Variants in SNTG1 observed in about 807,000 individuals in gnomAD.
The protein encoded by SNTG1 is syntrophin gamma 1.
SNTG1 carries 39 observed loss-of-function variants against 74.7 expected under a neutral mutation model. That is an observed-to-expected ratio of 0.52 (90% CI 0.40 to 0.68). The LOEUF (loss-of-function observed/expected upper bound fraction) is 0.68. Among genes scored for constraint, SNTG1 ranks in the 30% least tolerant of loss-of-function variants. SNTG1 has a pLI of 0.00. For synonymous variants in SNTG1, 254 were observed against 217.1 expected (o/e 1.17, Z -1.49); for missense variants, 685 against 609.5 (o/e 1.12, Z -1.30).
chr8:50,767,046 G>C (rs1041297107), intron 18 of SNTG1, among the ~76,000 whole-genome samples: 1 of 151,962 alleles, frequency 6.6e-6, no homozygotes, highest in South Asian at 2.1e-4. Flanking sequence ...CTGTTACAAC[G>C]TTTCTTTCCT....
intron 2 of SNTG1, among the ~76,000 whole-genome samples, chr8:50,236,605 T>C (rs1166235383): frequency 1.3e-5 from 2 of 151,848 alleles, no homozygotes; most frequent in African/African-American, 2.4e-5. Context: ...CGCCCGCCAC[T>C]GCGCCCGGCT....
intron 13 of SNTG1, among the ~76,000 whole-genome samples, chr8:50,653,972 AC>A (rs1418567427): frequency 4.6e-5 from 7 of 151,726 alleles, no homozygotes; most frequent in Non-Finnish European, 8.8e-5. Flanking sequence ...ATTAATGTAC[AC>A]GTTTTTTTTT....
chr8:50,766,309 T>C (rs1156711007), intron 18 of SNTG1, among the ~76,000 whole-genome samples: 1 of 152,062 alleles, frequency 6.6e-6, no homozygotes, highest in East Asian at 1.9e-4. Flanking sequence ...GAGTGATGTC[T>C]AAAAGTACTG....
chr8:50,201,839 A>G (rs2083998944), intron 2 of SNTG1, among the ~76,000 whole-genome samples: 1 of 152,146 alleles, frequency 6.6e-6, no homozygotes, highest in Non-Finnish European at 1.5e-5. Context: ...TCTCTAATCT[A>G]TCACCACCTG....
At chr8:50,070,514 C>T (rs1586140330) in intron 1 of SNTG1, among the ~76,000 whole-genome samples, 1 of 152,180 alleles carries the variant, frequency 6.6e-6, no homozygotes, top group African/African-American at 2.4e-5. Context: ...TACCCATGCA[C>T]CTGTGAATTA....
chr8:50,356,123 A>G (rs1189677268), intron 2 of SNTG1, among the ~76,000 whole-genome samples: 1 of 146,634 alleles, frequency 6.8e-6, no homozygotes, highest in African/African-American at 2.5e-5. Context: ...TGCAGTTTTA[A>G]CTCGGTGGGT....
chr8:50,340,232 C>T (rs982921891), intron 2 of SNTG1, among the ~76,000 whole-genome samples: 3 of 151,960 alleles, frequency 2.0e-5, no homozygotes, highest in Non-Finnish European at 2.9e-5. Context: ...CTAAATTCCA[C>T]ATGGAAAGCA....
chr8:49,919,318 T>C (rs1388891989), intron 1 of SNTG1, among the ~76,000 whole-genome samples: 1 of 152,122 alleles, frequency 6.6e-6, no homozygotes, highest in Non-Finnish European at 1.5e-5. Context: ...GATTGAGGGG[T>C]ATTAGTTATT....
chr8:50,609,504 G>A (rs568390421), intron 13 of SNTG1, among the ~76,000 whole-genome samples: 30 of 152,088 alleles, frequency 2.0e-4, no homozygotes, highest in Non-Finnish European at 3.5e-4. Flanking sequence ...ATTCCTAGCT[G>A]TACATCTCTT....
At chr8:50,051,986 C>A (rs897704265) in intron 1 of SNTG1, among the ~76,000 whole-genome samples, 6 of 151,944 alleles carry the variant, frequency 3.9e-5, no homozygotes, top group African/African-American at 1.4e-4. Context: ...TTTATACCTC[C>A]AAAACTGACC....
chr8:50,093,822 TAA>T (rs1256374065), intron 1 of SNTG1, among the ~76,000 whole-genome samples: 2 of 152,130 alleles, frequency 1.3e-5, no homozygotes. Flanking sequence ...GATTAAACCA[TAA>T]AGAGACATGG....
chr8:50,566,570 C>CA (rs1156824133), intron 12 of SNTG1, among the ~76,000 whole-genome samples: 1 of 151,894 alleles, frequency 6.6e-6, no homozygotes, highest in Non-Finnish European at 1.5e-5. Flanking sequence ...GCATAAAAGA[C>CA]AGAGGTCTGT....
At chr8:50,274,843 G>T (rs1436727474) in intron 2 of SNTG1, among the ~76,000 whole-genome samples, 2 of 152,150 alleles carry the variant, frequency 1.3e-5, no homozygotes, top group African/African-American at 2.4e-5. Flanking sequence ...TGATGTGATT[G>T]ATTGATTACA....
chr8:50,167,073 G>T (rs1471663306), intron 1 of SNTG1, among the ~76,000 whole-genome samples: 2 of 134,418 alleles, frequency 1.5e-5, no homozygotes, highest in African/African-American at 2.9e-5. Flanking sequence ...ATTGAACAAT[G>T]CGATCACATG....
intron 13 of SNTG1, among the ~76,000 whole-genome samples, chr8:50,647,078 T>G (rs1305762117): frequency 6.6e-6 from 1 of 152,072 alleles, no homozygotes; most frequent in African/African-American, 2.4e-5. Context: ...AAATGGATCA[T>G]AGACTTAAAT....
chr8:50,031,478 T>C (rs1293280278), intron 1 of SNTG1, among the ~76,000 whole-genome samples: 5 of 152,056 alleles, frequency 3.3e-5, no homozygotes, highest in Admixed American at 3.3e-4. Flanking sequence ...TCGTAGATTC[T>C]CTTTATCACA....
At chr8:50,329,172 T>A (rs1351488342) in intron 2 of SNTG1, among the ~76,000 whole-genome samples, 1 of 152,126 alleles carries the variant, frequency 6.6e-6, no homozygotes, top group Non-Finnish European at 1.5e-5. Context: ...CCCGATACCC[T>A]CCCCTGGCTG....
intron 2 of SNTG1, among the ~76,000 whole-genome samples, chr8:50,269,916 C>G (rs1424207010): frequency 6.6e-6 from 1 of 152,154 alleles, no homozygotes; most frequent in Non-Finnish European, 1.5e-5. Flanking sequence ...TCATGGAACA[C>G]AGGACTTCTG....
chr8:50,288,930 G>A (rs1194502990), intron 2 of SNTG1, among the ~76,000 whole-genome samples: 1 of 151,990 alleles, frequency 6.6e-6, no homozygotes, highest in Non-Finnish European at 1.5e-5. Flanking sequence ...TGTGTCCTAA[G>A]GTTAAATGTG....
Sources: gnomAD v4.1 joint callset for allele counts (sites outside exome capture counted in the v4.1 genomes callset) on GRCh38, gnomAD v4.1.1 for gene constraint, MANE v1.5 for transcripts, NCBI Gene and HGNC (gene_info 2026-07-23, HGNC 2026-07-21) for gene names.